Variants in GDAP1 observed in about 807,000 individuals in gnomAD.
GDAP1 encodes ganglioside induced differentiation associated protein 1.
Under a neutral mutation model 40.1 loss-of-function variants are expected in GDAP1, and 34 were observed. That is an observed-to-expected ratio of 0.85 (90% CI 0.64 to 1.13). The LOEUF (loss-of-function observed/expected upper bound fraction) is 1.13, where lower values mean the gene tolerates loss of function less well. GDAP1 is among the 50% of genes most tolerant of loss of function. The pLI is 0.00. For synonymous variants in GDAP1, 170 were observed against 157.4 expected, an observed-to-expected ratio of 1.08 and a Z score of -0.60; for missense variants, 374 against 433.7, an observed-to-expected ratio of 0.86 and a Z score of 1.22.
chr8:74,354,976 G>A (rs1009807930), intron 2 of GDAP1, among the ~76,000 whole-genome samples: 4 of 152,160 alleles, frequency 2.6e-5, no homozygotes, highest in African/African-American at 9.7e-5. Flanking sequence ...CCTTGTTATC[G>A]ATCCAGTGGG....
At chr8:74,394,144 C>T (rs1346087904) in intron 2 of GDAP1, among the ~76,000 whole-genome samples, 3 of 152,162 alleles carry the variant, frequency 2.0e-5, no homozygotes, top group African/African-American at 7.2e-5. Context: ...AGGAGCAAGT[C>T]ACGTCCTACG....
chr8:74,383,226 T>C (rs1345085781), intron 2 of GDAP1, among the ~76,000 whole-genome samples: 2 of 152,208 alleles, frequency 1.3e-5, no homozygotes, highest in African/African-American at 2.4e-5. Context: ...CAAAATTGGG[T>C]TGGGGGAAAT....
intron 2 of GDAP1, among the ~76,000 whole-genome samples, chr8:74,422,505 T>TTCCTTCCC (rs1398209436): frequency 6.5e-5 from 2 of 30,754 alleles, no homozygotes; most frequent in African/African-American, 1.3e-4. Context: ...CCTTCCTTCC[T>TTCCTTCCC]TCCTTCCTTC....
chr8:74,395,030 G>T (rs1810172342), intron 2 of GDAP1, among the ~76,000 whole-genome samples: 1 of 152,050 alleles, frequency 6.6e-6, no homozygotes, highest in Admixed American at 6.6e-5. Context: ...TTCTTTGCTG[G>T]CCTGTAAACT....
chr8:74,369,100 A>C (rs1295084651), downstream of GDAP1, among the ~76,000 whole-genome samples: 1 of 152,212 alleles, frequency 6.6e-6, no homozygotes, highest in Non-Finnish European at 1.5e-5. Context: ...TCCATAACAA[A>C]GCACAGGACA....
At chr8:74,441,169 G>C (rs1025952855) in intron 2 of GDAP1, among the ~76,000 whole-genome samples, 2 of 152,082 alleles carry the variant, frequency 1.3e-5, no homozygotes, top group Non-Finnish European at 2.9e-5. Context: ...TCAGTAGGTA[G>C]GGTGCTTGAT....
intron 2 of GDAP1, among the ~76,000 whole-genome samples, chr8:74,358,542 T>C (rs1809208347): frequency 6.6e-6 from 1 of 152,186 alleles, no homozygotes; most frequent in African/African-American, 2.4e-5. Flanking sequence ...CTGAGAAAAC[T>C]TAAAATATTA....
At chr8:74,422,493 C>CTCCTTCCTTCCTTCCTTCCT (rs67444628) in intron 2 of GDAP1, among the ~76,000 whole-genome samples, 2,160 of 104,760 alleles carry the variant, frequency 0.021, 113 homozygotes, top group African/African-American at 0.051. Context: ...TCCCTCCTTT[C>CTCCTTCCTTCCTTCCTTCCT]TCCTTCCTTC....
chr8:74,402,943 A>C (rs998303600), intron 2 of GDAP1, among the ~76,000 whole-genome samples: 1 of 149,952 alleles, frequency 6.7e-6, no homozygotes, highest in Non-Finnish European at 1.5e-5. Flanking sequence ...AGACAATTCA[A>C]GTTTCAATGT....
At chr8:74,446,485 A>G (rs78866468) in intron 2 of GDAP1, among the ~76,000 whole-genome samples, 4,646 of 152,230 alleles carry the variant, frequency 0.031, 237 homozygotes, top group African/African-American at 0.11. Flanking sequence ...GAGAAACTAC[A>G]AAGAGGAAAT....
Position 74,436,199 on chromosome 8 carries a change from A to T in GDAP1, c.166-52479A>T, listed in dbSNP as rs942901641. Among the ~76,000 whole-genome samples, 2 of 152,186 alleles carry T rather than the reference A, an allele frequency of 1.3e-5. 1 individual carries two copies. The highest frequency in any genetic ancestry group is 2.9e-5 in the Non-Finnish European group (2 of 68,044). ...TAGACTCCCAATGGCTTTGTCTTTA[A>T]TACATGGCTCTGTCCACACAGCCAA... On this transcript the variant is annotated intron_variant, in intron 2 of 2. Coordinates refer to the GDAP1 transcript ENST00000523640.
intron 2 of GDAP1, among the ~76,000 whole-genome samples, chr8:74,422,337 CTTT>C (rs1563465422): frequency 0.016 from 903 of 55,524 alleles, 6 homozygotes; most frequent in African/African-American, 0.03. Flanking sequence ...TTCTTTCTTT[CTTT>C]CTTTCTTTCT....
Position 74,351,313 on chromosome 8 carries a change from G to C in GDAP1, c.157G>C (p.Glu53Gln), listed in dbSNP as rs746609932. ...TGCTGAAAAGGCATTGAAGTGCGAG[G>C]AACATGATGTAAGTCTGCCCTTGAG... ...VIAEKALKCEEHDVSLPLSEH... is the reference protein window; with the variant it reads ...VIAEKALKCEQHDVSLPLSEH... Residue 53 changes from glutamate to glutamine, a missense_variant, in exon 2 of 6, where the codon GAA becomes CAA. Glu to Gln is a conservative substitution (Grantham distance 29). Coordinates refer to ENST00000220822, the MANE Select transcript of GDAP1 (RefSeq NM_018972.4). 2 of 1,614,178 alleles carry C rather than the reference G, an allele frequency of 1.2e-6. No individual in the cohort carries two copies. The highest frequency in any genetic ancestry group is 1.7e-6 in the Non-Finnish European group (2 of 1,180,002).
At chr8:74,436,430 T>C (rs1464023378) in intron 2 of GDAP1, among the ~76,000 whole-genome samples, 11 of 150,908 alleles carry the variant, frequency 7.3e-5, no homozygotes, top group Admixed American at 7.3e-4. Context: ...CTTTTTTTTT[T>C]TTTTTTTTCT....
intron 3 of GDAP1, among the ~76,000 whole-genome samples, 192 bp downstream of exon 3, chr8:74,360,502 C>T (rs1809312207): frequency 6.6e-6 from 1 of 152,124 alleles, no homozygotes. Context: ...CTCAATTGGA[C>T]ATTTATTGTC....
downstream of GDAP1, among the ~76,000 whole-genome samples, chr8:74,369,554 T>A (rs375936645): frequency 2.0e-5 from 3 of 151,972 alleles, no homozygotes; most frequent in East Asian, 5.8e-4. Flanking sequence ...GTGGAAAATA[T>A]CAACTGGTCT....
Position 74,351,405 on chromosome 8 carries a change from G to A in GDAP1, c.249G>A (p.Gly83=). Residue 83 remains glycine (G), a synonymous_variant, in exon 2 of 6, where the codon GGG becomes GGA. Coordinates refer to ENST00000220822, the MANE Select transcript of GDAP1 (RefSeq NM_018972.4). ...GAGAAGTGCCTGTCCTTATCCACGG[G>A]GAAAACATAATTTGTGAGGCCACTC... The part of the protein sequence containing the change: ...STGEVPVLIH[G]ENIICEATQI... 1 of 1,614,046 alleles carries A rather than the reference G, an allele frequency of 6.2e-7. No homozygotes were observed. Among genetic ancestry groups the A allele is most frequent in the Non-Finnish European group, 8.5e-7 (1 of 1,179,914 alleles).
chr8:74,374,170 T>A (rs1051462802), intron 2 of GDAP1, among the ~76,000 whole-genome samples: 4 of 152,222 alleles, frequency 2.6e-5, no homozygotes, highest in South Asian at 2.1e-4. Flanking sequence ...AGTATTGTAT[T>A]GAGGATTTTT....
intron 2 of GDAP1, among the ~76,000 whole-genome samples, chr8:74,414,275 C>T (rs1394412798): frequency 1.3e-5 from 2 of 150,090 alleles, no homozygotes; most frequent in Admixed American, 1.3e-4. Flanking sequence ...GCATATGAAG[C>T]ATCAAGAAAT....
Sources: allele counts gnomAD v4.1 joint callset (sites outside exome capture counted in the v4.1 genomes callset), GRCh38; gene constraint gnomAD v4.1.1; transcripts MANE v1.5; gene names NCBI Gene and HGNC (gene_info 2026-07-23, HGNC 2026-07-21).